The following SGSM1 variants were observed in gnomAD, a reference collection of about 807,000 sequenced individuals.
The protein encoded by SGSM1 is RUN and TBC1 domain containing 2.
Under a neutral mutation model 133.8 loss-of-function variants are expected in SGSM1, and 73 were observed. That is an observed-to-expected ratio of 0.55 (90% confidence interval 0.45 to 0.66). The LOEUF is 0.66. SGSM1 is among the 30% of genes least tolerant of loss of function. The pLI, the probability that SGSM1 is intolerant of heterozygous loss-of-function variation, is 0.00. For synonymous variants in SGSM1, 563 were observed against 573.0 expected (o/e 0.98, Z 0.25); for missense variants, 1,213 against 1,448.1 (o/e 0.84, Z 2.64).
In SGSM1 at chr22:24,926,361, G is replaced by A. The variant is rs1056536721; in HGVS notation, c.*2087G>A. 6 of 152,104 alleles carry A rather than the reference G, an allele frequency of 3.9e-5. No individual in the cohort carries two copies. The highest frequency in any genetic ancestry group is 9.7e-5 in the African/African-American group (4 of 41,412). 9.4% of individuals were successfully genotyped at this position (152,104 alleles called of 1,614,324 possible). A position where few individuals can be genotyped will look rare whatever the true frequency, so the allele number is the denominator to read the frequency against. On this transcript the variant is annotated 3_prime_UTR_variant, in exon 25 of 25. Coordinates refer to ENST00000400358, the MANE Select transcript of SGSM1 (RefSeq NM_001098497.3). ...ACCCTACCCCCACCAAAGCAGAAAC[G>A]GGAGACGGCAACGTTCTGGCTGCCA...
intron 22 of SGSM1, among the ~76,000 whole-genome samples, chr22:24,914,295 A>G (rs1933740050): frequency 6.7e-6 from 1 of 149,854 alleles, no homozygotes. Context: ...TCCATCTCAA[A>G]AAAAAAAAAA....
intron 2 of SGSM1, among the ~76,000 whole-genome samples, chr22:24,825,301 G>A (rs1278478289): frequency 2.0e-5 from 3 of 152,176 alleles, no homozygotes; most frequent in African/African-American, 7.2e-5. Flanking sequence ...AGTCCCAGGT[G>A]CCTGTCAGAG....
intron 16 of SGSM1, among the ~76,000 whole-genome samples, chr22:24,887,064 A>G (rs983842891): frequency 1.3e-5 from 2 of 151,832 alleles, no homozygotes; most frequent in African/African-American, 2.4e-5. Context: ...ATGGTATAAT[A>G]TACTCATCTT....
intron 2 of SGSM1, among the ~76,000 whole-genome samples, chr22:24,812,899 C>T (rs1239766393): frequency 2.0e-5 from 3 of 152,178 alleles, no homozygotes; most frequent in African/African-American, 7.2e-5. Context: ...AAAGCAATGT[C>T]TTTGCTCATA....
intron 22 of SGSM1, among the ~76,000 whole-genome samples, chr22:24,915,448 T>C (rs1055823080): frequency 1.4e-4 from 21 of 152,186 alleles, no homozygotes; most frequent in Non-Finnish European, 2.6e-4. Context: ...ATGGTAAGGA[T>C]TTCAACACAC....
chr22:24,812,295 A>G (rs547387957), intron 2 of SGSM1, among the ~76,000 whole-genome samples: 305 of 151,850 alleles, frequency 2.0e-3, no homozygotes, highest in African/African-American at 6.9e-3. Context: ...TATCCCCTTC[A>G]CTCCTCATAA....
chr22:24,919,941 C>T lies in SGSM1; in HGVS notation c.3141C>T (p.Asp1047=). ...IALALVEVYR[D]IILENNMDFT... Reference sequence around the variant, plus strand: ...TGGCTCTGGTGGAAGTCTACCGTGACATCATTTTGGAGAACAACATGGATT... The same window carrying T: ...TGGCTCTGGTGGAAGTCTACCGTGATATCATTTTGGAGAACAACATGGATT... Residue 1047 remains aspartate, a synonymous_variant, in exon 24 of 25, where the codon GAC becomes GAT. Transcript: ENST00000400358. The T allele has an allele frequency of 6.8e-6, 11 of 1,613,670 alleles. No homozygotes were observed. The highest frequency in any genetic ancestry group is 9.3e-6 in the Non-Finnish European group (11 of 1,179,756).
At chr22:24,915,685 C>T (rs1933797014) in intron 22 of SGSM1, among the ~76,000 whole-genome samples, 1 of 152,082 alleles carries the variant, frequency 6.6e-6, no homozygotes, top group Admixed American at 6.5e-5. Flanking sequence ...AGCATTTATC[C>T]TTTGTGCTCC....
chr22:24,811,131 T>G (rs901683367), intron 2 of SGSM1, among the ~76,000 whole-genome samples: 1 of 152,138 alleles, frequency 6.6e-6, no homozygotes, highest in African/African-American at 2.4e-5. Flanking sequence ...GAAACATTTT[T>G]GGTTGTCACA....
chr22:24,883,944 AC>A, intron 14 of SGSM1, 108 bp from the exon 15 acceptor site: 11 of 1,360,966 alleles, frequency 8.1e-6, no homozygotes, highest in South Asian at 1.6e-5. Context: ...CTGTCTCAAA[AC>A]AAAAATTTTA....
At chr22:24,910,244 G>T (rs1028859171) in intron 21 of SGSM1, among the ~76,000 whole-genome samples, 1 of 151,942 alleles carries the variant, frequency 6.6e-6, no homozygotes, top group African/African-American at 2.4e-5. Flanking sequence ...GGGTTGGGGG[G>T]GTAAAGAAAT....
chr22:24,906,309 T>C (rs924378747), intron 21 of SGSM1, among the ~76,000 whole-genome samples: 2 of 152,150 alleles, frequency 1.3e-5, no homozygotes, highest in African/African-American at 4.8e-5. Context: ...TCATACTCAA[T>C]GGTGAAAAAC....
intron 2 of SGSM1, among the ~76,000 whole-genome samples, chr22:24,809,815 C>T (rs1927627605): frequency 2.6e-5 from 4 of 152,090 alleles, no homozygotes; most frequent in Admixed American, 2.0e-4. Flanking sequence ...AGGCTGTGAA[C>T]AGAGATGTGA....
intron 2 of SGSM1, among the ~76,000 whole-genome samples, chr22:24,829,576 C>T (rs1034892657): frequency 6.6e-6 from 1 of 152,124 alleles, no homozygotes; most frequent in African/African-American, 2.4e-5. Context: ...CTTACTTAAT[C>T]ATTCGGTTCA....
intron 15 of SGSM1, among the ~76,000 whole-genome samples, chr22:24,885,766 T>C (rs1249253362): frequency 6.6e-6 from 1 of 152,168 alleles, no homozygotes; most frequent in East Asian, 1.9e-4. Flanking sequence ...CCCTCGCTCT[T>C]TTACATCTCT....
At chr22:24,816,867 T>G (rs1359330469) in intron 2 of SGSM1, among the ~76,000 whole-genome samples, 1 of 152,220 alleles carries the variant, frequency 6.6e-6, no homozygotes, top group Non-Finnish European at 1.5e-5. Context: ...TTCTGCCAGC[T>G]TGGCATTTCT....
chr22:24,862,963 C>T (rs1373199737), intron 9 of SGSM1, among the ~76,000 whole-genome samples: 2 of 152,200 alleles, frequency 1.3e-5, no homozygotes, highest in African/African-American at 4.8e-5. Context: ...AAAGCTTTCA[C>T]AGCGCGAGGA....
intron 15 of SGSM1, among the ~76,000 whole-genome samples, chr22:24,885,950 G>A (rs186219623): frequency 1.3e-5 from 2 of 152,336 alleles, no homozygotes; most frequent in East Asian, 1.9e-4. Context: ...GCTGGACCAC[G>A]GAAGTAGATC....
intron 11 of SGSM1, 53 bp from the exon 12 acceptor site, chr22:24,868,670 G>C (rs1931594155): frequency 2.5e-6 from 4 of 1,609,790 alleles, no homozygotes; most frequent in Non-Finnish European, 3.4e-6. Flanking sequence ...GACTAAGCAA[G>C]TTGTGGGGAC....
Sources: allele counts gnomAD v4.1 joint callset (sites outside exome capture counted in the v4.1 genomes callset), GRCh38; gene constraint gnomAD v4.1.1; transcripts MANE v1.5; gene names NCBI Gene and HGNC (gene_info 2026-07-23, HGNC 2026-07-21).